Variants in PGM5 observed in about 807,000 individuals in gnomAD.
The protein encoded by PGM5 is phosphoglucomutase-like protein 5.
In PGM5, 23 loss-of-function variants were observed where a neutral mutation model predicts 59.2. The ratio of observed to expected loss-of-function variants is 0.39; its 90% confidence interval spans 0.28 to 0.55. The LOEUF (loss-of-function observed/expected upper bound fraction) is 0.55, where lower values mean the gene tolerates loss of function less well. Among genes scored for constraint, PGM5 ranks in the 20% least tolerant of loss-of-function variants. PGM5 has a pLI of 0.66. For synonymous variants in PGM5, 214 were observed against 286.0 expected, an observed-to-expected ratio of 0.75 and a Z score of 2.54; for missense variants, 574 against 748.3, an observed-to-expected ratio of 0.77 and a Z score of 2.72.
intron 6 of PGM5, among the ~76,000 whole-genome samples, chr9:68,408,483 C>T (rs1314785949): frequency 1.1e-4 from 17 of 152,132 alleles, no homozygotes; most frequent in Non-Finnish European, 2.5e-4. Context: ...AGCCCTTTGT[C>T]AGATGAGTAG....
chr9:68,420,900 C>T (rs1415762565), intron 6 of PGM5, among the ~76,000 whole-genome samples: 4 of 152,162 alleles, frequency 2.6e-5, no homozygotes, highest in Admixed American at 2.0e-4. Context: ...TAAAAATGCA[C>T]AGATGGTTTT....
At chr9:68,480,876 G>A (rs1554687080) in intron 8 of PGM5, among the ~76,000 whole-genome samples, 1 of 152,128 alleles carries the variant, frequency 6.6e-6, no homozygotes, top group Non-Finnish European at 1.5e-5. Flanking sequence ...TGGAAGTGTG[G>A]TTACTTGCTA....
intron 10 of PGM5, among the ~76,000 whole-genome samples, chr9:68,517,776 G>A (rs1824844248): frequency 6.6e-6 from 1 of 152,220 alleles, no homozygotes. Flanking sequence ...GGTGGACTAG[G>A]TGATTCAAAC....
At chr9:68,518,503 T>C (rs1455020453) in intron 10 of PGM5, among the ~76,000 whole-genome samples, 1 of 152,232 alleles carries the variant, frequency 6.6e-6, no homozygotes, top group Non-Finnish European at 1.5e-5. Flanking sequence ...ATTTTCACTA[T>C]GTTCATGGAA....
intron 6 of PGM5, among the ~76,000 whole-genome samples, chr9:68,434,174 G>A (rs1206288120): frequency 6.6e-6 from 1 of 151,828 alleles, no homozygotes; most frequent in African/African-American, 2.4e-5. Flanking sequence ...AAAATTAGCT[G>A]TGCATGGTGG....
chr9:68,389,968 T>C (rs189635278), intron 4 of PGM5, among the ~76,000 whole-genome samples: 2 of 152,278 alleles, frequency 1.3e-5, no homozygotes, highest in Non-Finnish European at 1.5e-5. Flanking sequence ...AGGATATTAC[T>C]GATATATTTT....
intron 1 of PGM5, among the ~76,000 whole-genome samples, 161 bp downstream of exon 1, chr9:68,357,549 C>A (rs1834483674): frequency 1.3e-5 from 2 of 152,246 alleles, no homozygotes; most frequent in African/African-American, 4.8e-5. Flanking sequence ...CCACTCCCGC[C>A]GCGCTCGCAG....
chr9:68,406,678 GTATATATATATATATATA>G (rs782034091), intron 6 of PGM5, among the ~76,000 whole-genome samples: 1 of 23,600 alleles, frequency 4.2e-5, no homozygotes, highest in African/African-American at 1.8e-4. Flanking sequence ...ATATATATAT[GTATATATATATATATATA>G]TATATATATA....
intron 7 of PGM5, chr9:68,466,097 G>A: frequency 7.9e-7 from 1 of 1,260,258 alleles, no homozygotes; most frequent in Non-Finnish European, 1.0e-6. Context: ...AATTTGTGAT[G>A]ACAAATGAGC....
chr9:68,467,101 A>T (rs1554685894), intron 7 of PGM5, among the ~76,000 whole-genome samples: 1 of 152,188 alleles, frequency 6.6e-6, no homozygotes, highest in Non-Finnish European at 1.5e-5. Flanking sequence ...TCCCAGTGAC[A>T]GCTGATCGTC....
At chr9:68,448,621 C>T (rs1823649525) in intron 6 of PGM5, among the ~76,000 whole-genome samples, 2 of 152,192 alleles carry the variant, frequency 1.3e-5, no homozygotes, top group African/African-American at 4.8e-5. Flanking sequence ...ATATTAGAAT[C>T]TCTTCACTCC....
intron 7 of PGM5, among the ~76,000 whole-genome samples, chr9:68,469,889 CT>C (rs2132082592): frequency 6.6e-6 from 1 of 152,242 alleles, no homozygotes; most frequent in South Asian, 2.1e-4. Context: ...TAGTAGTTAT[CT>C]TTTTGTCATC....
chr9:68,427,146 GC>G (rs573405422), intron 6 of PGM5, among the ~76,000 whole-genome samples: 1 of 152,238 alleles, frequency 6.6e-6, no homozygotes, highest in African/African-American at 2.4e-5. Context: ...AGCAAGCAGA[GC>G]CCCCCTGGCA....
At chr9:68,519,268 G>A (rs935697965) in intron 10 of PGM5, among the ~76,000 whole-genome samples, 3 of 152,152 alleles carry the variant, frequency 2.0e-5, no homozygotes, top group African/African-American at 7.2e-5. Flanking sequence ...GTTAAAAATA[G>A]GAGTTGGTAT....
chr9:68,441,020 A>G (rs1303301552), intron 6 of PGM5, among the ~76,000 whole-genome samples: 1 of 152,142 alleles, frequency 6.6e-6, no homozygotes, highest in Non-Finnish European at 1.5e-5. Context: ...AGAGGACACT[A>G]CAGACAACTC....
chr9:68,382,146 C>A (rs1243155314), intron 2 of PGM5, among the ~76,000 whole-genome samples: 1 of 151,606 alleles, frequency 6.6e-6, no homozygotes, highest in Non-Finnish European at 1.5e-5. Flanking sequence ...AAAACCAAAA[C>A]AGTATGATAC....
At chr9:68,507,094 G>A (rs1238009078) in intron 10 of PGM5, among the ~76,000 whole-genome samples, 1 of 152,136 alleles carries the variant, frequency 6.6e-6, no homozygotes, top group African/African-American at 2.4e-5. Context: ...GAAAACATGA[G>A]GAAATACCTC....
chr9:68,452,992 C>A (rs1162282059), intron 6 of PGM5, among the ~76,000 whole-genome samples: 1 of 152,204 alleles, frequency 6.6e-6, no homozygotes, highest in African/African-American at 2.4e-5. Flanking sequence ...TTGGACCCCA[C>A]CACTATCATA....
intron 6 of PGM5, chr9:68,393,754 C>T (rs1822425046): frequency 6.6e-6 from 1 of 152,108 alleles, no homozygotes; most frequent in South Asian, 2.1e-4. Flanking sequence ...ACCAACATTC[C>T]ATTCCTAAAT....
Sources: gnomAD v4.1 joint callset for allele counts (sites outside exome capture counted in the v4.1 genomes callset) on GRCh38, gnomAD v4.1.1 for gene constraint, MANE v1.5 for transcripts, NCBI Gene and HGNC (gene_info 2026-07-23, HGNC 2026-07-21) for gene names.